The following TEX10 variants were observed in gnomAD, a reference collection of about 807,000 sequenced individuals.
The protein encoded by TEX10 is testis expressed 10, also known as testis-expressed protein 10.
A neutral mutation model predicts 104.4 loss-of-function variants in TEX10; 24 were observed. The observed-to-expected ratio is 0.23, with a 90% CI of 0.17 to 0.32. TEX10 has a LOEUF of 0.32. TEX10 is among the 10% of genes least tolerant of loss of function. The pLI, the probability that TEX10 is intolerant of heterozygous loss-of-function variation, is 1.00. For synonymous variants in TEX10, 396 were observed against 393.4 expected (o/e 1.01, Z -0.08); for missense variants, 921 against 1,083.9 (o/e 0.85, Z 2.11).
At chr9:100,335,586 G>A (rs1250332470) in intron 5 of TEX10, among the ~76,000 whole-genome samples, 1 of 151,860 alleles carries the variant, frequency 6.6e-6, no homozygotes, top group East Asian at 1.9e-4. Flanking sequence ...TTTTTCAACT[G>A]TGAGTGTATG....
At chr9:100,327,757 A>G in intron 8 of TEX10, 30 bp downstream of exon 8, 1 of 1,523,468 alleles carries the variant, frequency 6.6e-7, no homozygotes, top group South Asian at 1.3e-5. Flanking sequence ...ATCAATGACT[A>G]CCCATACCAT....
chr9:100,335,061 C>T (rs565975237), intron 5 of TEX10, among the ~76,000 whole-genome samples: 28 of 152,114 alleles, frequency 1.8e-4, no homozygotes, highest in Non-Finnish European at 3.7e-4. Context: ...AAATCTAGTC[C>T]ATTCCAGGAA....
chr9:100,342,249 C>T (rs991114353), intron 4 of TEX10, among the ~76,000 whole-genome samples: 1 of 152,218 alleles, frequency 6.6e-6, no homozygotes. Context: ...TCTAAAATAG[C>T]TCCCCCTCAC....
chr9:100,352,619 C>G, intron 1 of TEX10, 153 bp downstream of exon 1: 2 of 1,472,454 alleles, frequency 1.4e-6, no homozygotes, highest in Non-Finnish European at 1.8e-6. Context: ...CACCCAGGCC[C>G]AGCTCGGAGG....
intron 3 of TEX10, 96 bp downstream of exon 3, chr9:100,346,598 A>C (rs1325724517): frequency 3.1e-6 from 4 of 1,310,922 alleles, no homozygotes; most frequent in Non-Finnish European, 4.2e-6. Flanking sequence ...AAACTATGAA[A>C]GACAACTGCA....
At chr9:100,309,955 A>C (rs1440752160) in intron 12 of TEX10, among the ~76,000 whole-genome samples, 1 of 152,186 alleles carries the variant, frequency 6.6e-6, no homozygotes, top group Non-Finnish European at 1.5e-5. Context: ...TGGAACCCAG[A>C]CTTCAGTCTA....
intron 1 of TEX10, among the ~76,000 whole-genome samples, chr9:100,351,133 G>C (rs1835430934): frequency 6.6e-6 from 1 of 151,800 alleles, no homozygotes; most frequent in African/African-American, 2.4e-5. Flanking sequence ...ATGCAAGGTA[G>C]GTGGAACTAA....
chr9:100,329,087 C>T, intron 7 of TEX10, 53 bp downstream of exon 7: 2 of 1,506,710 alleles, frequency 1.3e-6, no homozygotes, highest in South Asian at 2.6e-5. Flanking sequence ...AATACTTAGA[C>T]TACAGAAAAA....
In TEX10 at chr9:100,321,689, G is replaced by C. The variant is rs770649942; in HGVS notation, c.2062C>G (p.Leu688Val). The C allele has an allele frequency of 8.7e-6, 14 of 1,610,612 alleles. No individual in the cohort carries two copies. The highest frequency in any genetic ancestry group is 1.3e-5 in the African/African-American group (1 of 74,810). The change falls in exon 10 of 15, where the codon CTT becomes GTT. Residue 688 changes from leucine (L) to valine (V), a missense_variant. Leu to Val is a conservative substitution (Grantham distance 32). This residue lies in a region of TEX10 where 753 missense variants were observed against 868.4 expected (regional missense o/e 0.87). Coordinates refer to ENST00000374902, the MANE Select transcript of TEX10 (RefSeq NM_017746.4). Reference sequence around the variant, plus strand: ...GGCAAGTGAATGTGGTTACCTGTAAGTGTGGAAAATAAGAAGCTGAAATAG... The same window carrying C: ...GGCAAGTGAATGTGGTTACCTGTAACTGTGGAAAATAAGAAGCTGAAATAG... Reference protein sequence around the residue: ...VDYFSFLFSTLTGFSKEELTW... With the variant: ...VDYFSFLFSTVTGFSKEELTW...
intron 5 of TEX10, among the ~76,000 whole-genome samples, chr9:100,337,305 T>A (rs986918039): frequency 4.6e-5 from 7 of 152,262 alleles, no homozygotes; most frequent in African/African-American, 1.4e-4. Context: ...AATGATGATA[T>A]GCTGATACAT....
In TEX10 at chr9:100,327,861, A is replaced by G. The variant is rs2118882197; in HGVS notation, c.1727T>C (p.Ile576Thr). 6.2e-7 allele frequency: 1 copy of G among 1,608,980 alleles called. No homozygotes were observed. The highest frequency in any genetic ancestry group is 8.5e-7 in the Non-Finnish European group (1 of 1,176,418). ...TGCTCGTGCTGCAGCGGTATGAATG[A>G]TATCGATAAGCTGTGTAGAGAGCTC... ...NPELSTQLID[I>T]IHTAAARANK... Residue 576 changes from isoleucine to threonine, a missense_variant, in exon 8 of 15, where the codon ATC becomes ACC. Physicochemically the swap from Ile to Thr is moderately conservative, Grantham distance 89. Transcript: ENST00000374902.
intron 9 of TEX10, among the ~76,000 whole-genome samples, chr9:100,323,756 A>G (rs1306399204): frequency 1.3e-5 from 2 of 152,206 alleles, no homozygotes; most frequent in Non-Finnish European, 2.9e-5. Flanking sequence ...TAATAGAGAC[A>G]GCAAGGTATC....
chr9:100,336,039 T>G (rs1834999353), intron 5 of TEX10, among the ~76,000 whole-genome samples: 1 of 151,610 alleles, frequency 6.6e-6, no homozygotes, highest in South Asian at 2.1e-4. Context: ...TAGTGGCACA[T>G]GCCTATAATC....
intron 6 of TEX10, 35 bp downstream of exon 6, chr9:100,329,896 C>T: frequency 6.7e-7 from 1 of 1,496,492 alleles, no homozygotes; most frequent in Non-Finnish European, 9.2e-7. Flanking sequence ...TGTAAGAGCT[C>T]CACTCTTAAA....
chr9:100,342,577 G>A (rs868037254), intron 4 of TEX10, among the ~76,000 whole-genome samples: 5 of 152,194 alleles, frequency 3.3e-5, no homozygotes, highest in East Asian at 1.9e-4. Context: ...ATTAATTTAA[G>A]TAGCCATTAT....
intron 8 of TEX10, 150 bp from the exon 9 acceptor site, chr9:100,326,629 T>A: frequency 1.3e-6 from 1 of 743,426 alleles, no homozygotes; most frequent in Non-Finnish European, 2.0e-6. Context: ...ATAATTATAT[T>A]AATATCATAA....
intron 8 of TEX10, among the ~76,000 whole-genome samples, chr9:100,326,898 T>A (rs1280637299): frequency 6.6e-6 from 1 of 152,104 alleles, no homozygotes; most frequent in African/African-American, 2.4e-5. Flanking sequence ...AATACATATT[T>A]AAAACTACAA....
At chr9:100,302,839 TG>T (rs1475038152) in intron 14 of TEX10, among the ~76,000 whole-genome samples, 1 of 152,180 alleles carries the variant, frequency 6.6e-6, no homozygotes, top group African/African-American at 2.4e-5. Context: ...CTGTGTTATA[TG>T]CATGTAAAAG....
intron 4 of TEX10, among the ~76,000 whole-genome samples, chr9:100,340,983 T>C (rs1220990089): frequency 1.3e-5 from 2 of 152,164 alleles, no homozygotes; most frequent in Non-Finnish European, 2.9e-5. Context: ...GTTTTTTTTT[T>C]TGAGATGAAG....
Sources: allele counts gnomAD v4.1 joint callset (sites outside exome capture counted in the v4.1 genomes callset), GRCh38; gene constraint gnomAD v4.1.1; regional missense constraint gnomAD v4.1.1; transcripts MANE v1.5; gene names NCBI Gene and HGNC (gene_info 2026-07-23, HGNC 2026-07-21).